Variants in TSEN34 observed in about 807,000 individuals in gnomAD.
TSEN34 encodes the protein tRNA-splicing endonuclease subunit Sen34.
In TSEN34, 25 loss-of-function variants were observed where a neutral mutation model predicts 30.2. That is an observed-to-expected ratio of 0.83 (90% CI 0.60 to 1.16). TSEN34 has a LOEUF of 1.16. Ranked by LOEUF, TSEN34 falls within the 50% of genes most tolerant of loss-of-function variation. The probability of loss-of-function intolerance (pLI) is 0.00; values close to 1 mark genes in which losing one functional copy is unlikely to be tolerated. For synonymous variants in TSEN34, 209 were observed against 177.4 expected, an observed-to-expected ratio of 1.18 and a Z score of -1.41; for missense variants, 475 against 411.9, an observed-to-expected ratio of 1.15 and a Z score of -1.33.
chr19:54,191,753 G>A lies in TSEN34; in HGVS notation c.276G>A (p.Glu92=), dbSNP rs768118458. 6.2e-7 allele frequency: 1 copy of A among 1,614,166 alleles called. No individual in the cohort carries two copies. Among genetic ancestry groups the A allele is most frequent in the Admixed American group, 1.7e-5 (1 of 60,032 alleles). The part of the protein sequence containing the change: ...ALTSFKRQQE[E]SFQEQSALAA... ...CATCCTTCAAGCGCCAGCAAGAGGA[G>A]AGCTTCCAGGAGCAGAGCGCCTTGG... The change falls in exon 2 of 4, where the codon GAG becomes GAA. Residue 92 remains glutamate, a synonymous_variant. Transcript: ENST00000396388.
At chr19:54,191,181 T>TCGCCCGGGGGCGGGGC (rs2076670619), upstream of TSEN34, 1 of 1,382,980 alleles carries the variant, frequency 7.2e-7, no homozygotes, top group African/African-American at 1.5e-5. Context: ...CCTGGTGGGA[T>TCGCCCGGGGGCGGGGC]CGCCCGGGGG....
upstream of TSEN34, chr19:54,190,406 A>G: frequency 5.4e-6 from 8 of 1,474,386 alleles, no homozygotes; most frequent in Non-Finnish European, 7.2e-6. Context: ...ACAGTGGGAC[A>G]TTCTGAAGGG....
chr19:54,191,146 C>G, upstream of TSEN34: 1 of 1,355,482 alleles, frequency 7.4e-7, no homozygotes, highest in Non-Finnish European at 9.4e-7. Flanking sequence ...TTGTCTCCGG[C>G]GTCTCGTCTC....
At chr19:54,191,692 TG>T (rs763386208) in intron 1 of TSEN34, 28 bp from the exon 2 acceptor site, 2 of 1,613,536 alleles carry the variant, frequency 1.2e-6, no homozygotes, top group East Asian at 2.2e-5. Context: ...ACCATAAGCT[TG>T]GAGGTTCCAG....
upstream of TSEN34, chr19:54,191,206 C>G (rs1191479875): frequency 4.3e-6 from 6 of 1,388,498 alleles, no homozygotes; most frequent in Admixed American, 1.0e-4. Context: ...GCCTGGCGCT[C>G]GGGCCCAGCA....
Position 54,192,240 on chromosome 19 carries a change from C to T in TSEN34, c.612C>T (p.Val204=). 1 of 1,614,018 alleles carries T rather than the reference C, an allele frequency of 6.2e-7. No homozygotes were observed. Among genetic ancestry groups the T allele is most frequent in the Non-Finnish European group, 8.5e-7 (1 of 1,179,970 alleles). Reference sequence around the variant, plus strand: ...AGGCCAGGCCCCTGGACTGGCGTGTCCAGTCTAAAGACTGGCCCCACGCCG... The same window carrying T: ...AGGCCAGGCCCCTGGACTGGCGTGTTCAGTCTAAAGACTGGCCCCACGCCG... ...PVKARPLDWR[V]QSKDWPHAGR... Residue 204 remains valine, a synonymous_variant, in exon 3 of 4, where the codon GTC becomes GTT. Coordinates refer to ENST00000396388, the MANE Select transcript of TSEN34 (RefSeq NM_001077446.4).
rs368604010 is a variant in TSEN34 at position 54,192,107 on chromosome 19, C to G, written c.488-9C>G. On this transcript the variant is annotated splice_polypyrimidine_tract_variant and intron_variant, in intron 2 of 3. Transcript: ENST00000396388. ...AATTTACCAAACTCTTCTCTGTACT[C>G]CCCACCAGGCCCCTCGTCTTCCCAA... The G allele has an allele frequency of 1.9e-6, 3 of 1,614,080 alleles. No individual in the cohort carries two copies. The African/African-American group carries it at 4.0e-5, about 22-fold the overall frequency.
chr19:54,191,049 A>C, upstream of TSEN34: 1 of 1,250,760 alleles, frequency 8.0e-7, no homozygotes. Flanking sequence ...TAGGTACGGC[A>C]GTGCGGGCAC....
Position 54,193,044 on chromosome 19 carries a change from C to G in TSEN34, c.746-131C>G, listed in dbSNP as rs1050773875. 5 of 1,213,602 alleles carry G rather than the reference C, an allele frequency of 4.1e-6. No homozygotes were observed. In the African/African-American group the frequency reaches 4.8e-5, roughly 12 times the overall value. The allele number at this position is 1,213,602 out of a possible 1,614,324, so 75.2% of individuals were successfully genotyped here. ...AAGCCTAGAAGTGGAATAGTTGTGT[C>G]CAAGAGCATCTGTTTTAGAGTATCT... On this transcript the variant is annotated intron_variant, in intron 3 of 3. Coordinates refer to ENST00000396388, the MANE Select transcript of TSEN34 (RefSeq NM_001077446.4).
upstream of TSEN34, chr19:54,189,651 G>A (rs2076579841): frequency 6.5e-6 from 1 of 153,058 alleles, no homozygotes; most frequent in African/African-American, 2.4e-5. Context: ...AAAAGCTTTG[G>A]ACCCGAAGGG....
upstream of TSEN34, chr19:54,190,503 T>C (rs2076627242): frequency 5.9e-6 from 8 of 1,355,514 alleles, no homozygotes; most frequent in Non-Finnish European, 5.7e-6. Flanking sequence ...GGCGGGGCTT[T>C]CGGCTGTGGG....
chr19:54,191,151 C>G (rs772211122), upstream of TSEN34: 39 of 1,360,434 alleles, frequency 2.9e-5, no homozygotes, highest in South Asian at 1.2e-4. Context: ...TCCGGCGTCT[C>G]GTCTCCGGCG....
intron 2 of TSEN34, 49 bp from the exon 3 acceptor site, chr19:54,192,067 A>C (rs769672524): frequency 5.0e-6 from 8 of 1,614,022 alleles, no homozygotes; most frequent in Non-Finnish European, 2.5e-6. Flanking sequence ...GAGGGTGAGA[A>C]GACTTTACCC....
intron 2 of TSEN34, 27 bp downstream of exon 2, chr19:54,191,991 A>G (rs750841648): frequency 1.2e-6 from 2 of 1,614,118 alleles, no homozygotes; most frequent in East Asian, 2.2e-5. Context: ...GAGTCCAGGG[A>G]CCACGGGAAG....
Position 54,191,621 on chromosome 19 carries a change from G to C in TSEN34, c.243+14G>C. ...CACCACAGCCTGGTAAGGGGGCGGG[G>C]CTCGAACTCGGGTTCGGTGGGAGCG... On this transcript the variant is annotated intron_variant, in intron 1 of 3. Transcript: ENST00000396388. 1 of 1,605,060 alleles carries C rather than the reference G, an allele frequency of 6.2e-7. No individual in the cohort carries two copies. The highest frequency in any genetic ancestry group is 2.2e-5 in the East Asian group (1 of 44,840).
chr19:54,191,572 A>G lies in TSEN34; in HGVS notation c.208A>G (p.Ser70Gly), dbSNP rs1414119492. 6.2e-7 allele frequency: 1 copy of G among 1,602,182 alleles called. No individual in the cohort carries two copies. Among genetic ancestry groups the G allele is most frequent in the East Asian group, 2.2e-5 (1 of 44,766 alleles). ...CGAGATCGGCGCCGTGACTCTGGTC[A>G]GCGCCCCGCGTCCAGACTCTCGGCA... ...LAEIGAVTLV[S>G]APRPDSRHHS... The change falls in exon 1 of 4, where the codon AGC (serine) becomes GGC (glycine). Residue 70 changes from serine (S) to glycine (G), a missense_variant. Ser to Gly is a moderately conservative substitution (Grantham distance 56, BLOSUM62 0). Transcript: ENST00000396388.
At position 54,192,292 on chromosome 19, in the gene TSEN34, A is replaced by C; in HGVS notation, c.664A>C (p.Ser222Arg). The change falls in exon 3 of 4, where the codon AGT becomes CGT. Residue 222 changes from serine (S) to arginine (R), a missense_variant. Coordinates refer to ENST00000396388, the MANE Select transcript of TSEN34 (RefSeq NM_001077446.4). ...AGRPAHELRY[S>R]IYRDLWERGF... ...CCGCCCTGCCCACGAGCTGCGCTAC[A>C]GTATCTACAGAGACCTGTGGGAGCG... 6.2e-7 allele frequency: 1 copy of C among 1,614,150 alleles called. No individual in the cohort carries two copies. The highest frequency in any genetic ancestry group is 8.5e-7 in the Non-Finnish European group (1 of 1,180,034).
chr19:54,191,974 G>A lies in TSEN34; in HGVS notation c.487+10G>A, dbSNP rs1568851544. The A allele has an allele frequency of 1.2e-6, 2 of 1,614,202 alleles. No homozygotes were observed. The highest frequency in any genetic ancestry group is 1.7e-5 in the Admixed American group (1 of 60,028). On this transcript the variant is annotated intron_variant, in intron 2 of 3. Coordinates refer to ENST00000396388, the MANE Select transcript of TSEN34 (RefSeq NM_001077446.4). ...GAGCAGGAGGAAGCTGGTGAGCATG[G>A]GAGGTGGAGTCCAGGGACCACGGGA... is the stretch of plus-strand genomic sequence containing the variant.
Position 54,193,615 on chromosome 19 carries a change from TC to T in TSEN34, c.*254del, listed in dbSNP as rs1568858895. 1 of 1,323,204 alleles carries T rather than the reference TC, an allele frequency of 7.6e-7. No homozygotes were observed. Among genetic ancestry groups the T allele is most frequent in the Admixed American group, 2.0e-5 (1 of 50,724 alleles). 82.0% of individuals were successfully genotyped at this position (1,323,204 alleles called of 1,614,324 possible). On this transcript the variant is annotated 3_prime_UTR_variant, in exon 4 of 4. Coordinates refer to ENST00000396388, the MANE Select transcript of TSEN34 (RefSeq NM_001077446.4). ...GGGCCTGGGTTTGATTCATCTGTTT[TC>T]TACAGGGTTTAAGTCTCAGGAGGTC...
Sources: gnomAD v4.1 joint callset for allele counts on GRCh38, gnomAD v4.1.1 for gene constraint, MANE v1.5 for transcripts, NCBI Gene and HGNC (gene_info 2026-07-23, HGNC 2026-07-21) for gene names.